MED6: variants seen among roughly 807,000 people sequenced by gnomAD.
MED6 encodes the protein mediator of RNA polymerase II transcription subunit 6.
Under a neutral mutation model 37.5 loss-of-function variants are expected in MED6, and 33 were observed. The ratio of observed to expected loss-of-function variants is 0.88; its 90% confidence interval spans 0.67 to 1.18. The LOEUF is 1.18. Among genes scored for constraint, MED6 ranks in the 50% most tolerant of loss-of-function variants. MED6 has a pLI of 0.00. For missense variants in MED6, 235 were observed against 290.6 expected (o/e 0.81, Z 1.39); for synonymous variants, 94 against 93.6 (o/e 1.00, Z -0.02).
In MED6 at chr14:70,584,005, T is replaced by C. The variant is rs1033055237; in HGVS notation, c.*808A>G. 9 of 463,556 alleles carry C rather than the reference T, an allele frequency of 1.9e-5. 1 individual carries two copies. Among genetic ancestry groups the C allele is most frequent in the African/African-American group, 1.2e-4 (6 of 50,318 alleles). The allele number at this position is 463,556 out of a possible 1,614,324, so 28.7% of individuals were successfully genotyped here. On this transcript the variant is annotated 3_prime_UTR_variant, in exon 8 of 8. Coordinates refer to ENST00000256379, the MANE Select transcript of MED6 (RefSeq NM_005466.4). ...AAAAAAGAAGTATCTACACACAGAA[T>C]AAGATTAAAATTCACAACACTGTTA... is the stretch of plus-strand genomic sequence containing the variant.
intron 6 of MED6, among the ~76,000 whole-genome samples, 155 bp from the exon 7 acceptor site, chr14:70,585,938 T>C (rs1884694725): frequency 6.6e-6 from 1 of 152,236 alleles, no homozygotes; most frequent in African/African-American, 2.4e-5. Flanking sequence ...AGCTACTATG[T>C]ATGTACTATA....
chr14:70,590,349 T>A (rs566155676), intron 6 of MED6, among the ~76,000 whole-genome samples: 1 of 152,352 alleles, frequency 6.6e-6, no homozygotes, highest in Admixed American at 6.5e-5. Context: ...ATGTTCCATC[T>A]TCAAGTGCAG....
In MED6 at chr14:70,591,295, T is replaced by G. The variant is rs1386902178; in HGVS notation, c.553A>C (p.Arg185=). Residue 185 remains arginine (R), a synonymous_variant, in exon 6 of 8, where the codon AGA becomes CGA. Coordinates refer to ENST00000256379, the MANE Select transcript of MED6 (RefSeq NM_005466.4). The stretch of plus-strand genomic sequence containing the variant: ...ACAAATTTGGGTGGAAATTTTTGTC[T>G]GAGGTCTAAAAGTAAAGCATCCACA... ...QRVDALLLDL[R]QKFPPKFVQL... 4 of 1,612,018 alleles carry G rather than the reference T, an allele frequency of 2.5e-6. No individual in the cohort carries two copies. Among genetic ancestry groups the G allele is most frequent in the Non-Finnish European group, 3.4e-6 (4 of 1,179,454 alleles).
In MED6 at chr14:70,584,155, T is replaced by C. The variant is rs777534037; in HGVS notation, c.*658A>G. On this transcript the variant is annotated 3_prime_UTR_variant, in exon 8 of 8. Transcript: ENST00000256379. ...ACTGAACAAAAAGAAATATGCTTAGTTACTACTTTAACATCCTTTATGTCT... is the reference window on the plus strand; with the variant it reads ...ACTGAACAAAAAGAAATATGCTTAGCTACTACTTTAACATCCTTTATGTCT... 5 of 754,368 alleles carry C rather than the reference T, an allele frequency of 6.6e-6. No individual in the cohort carries two copies. Among genetic ancestry groups the C allele is most frequent in the African/African-American group, 1.7e-5 (1 of 58,154 alleles). 46.7% of individuals were successfully genotyped at this position (754,368 alleles called of 1,614,324 possible). A position where few individuals can be genotyped will look rare whatever the true frequency, so the allele number is the denominator to read the frequency against.
intron 6 of MED6, among the ~76,000 whole-genome samples, chr14:70,587,045 G>A (rs1211722165): frequency 6.6e-6 from 1 of 152,194 alleles, no homozygotes; most frequent in Non-Finnish European, 1.5e-5. Flanking sequence ...ATTTTGGTAT[G>A]TGCTAGATAG....
intron 3 of MED6, among the ~76,000 whole-genome samples, chr14:70,593,871 T>C (rs1884960731): frequency 6.6e-6 from 1 of 152,222 alleles, no homozygotes; most frequent in South Asian, 2.1e-4. Context: ...ATGAGCTTGC[T>C]TTTGTGCCCC....
chr14:70,599,234 A>T (rs1382873351), intron 1 of MED6, among the ~76,000 whole-genome samples: 1 of 152,256 alleles, frequency 6.6e-6, no homozygotes, highest in African/African-American at 2.4e-5. Flanking sequence ...GAGAAAAATT[A>T]TATAAAGGTA....
intron 5 of MED6, chr14:70,591,848 A>T (rs1566675677): frequency 6.6e-6 from 1 of 152,400 alleles, no homozygotes; most frequent in East Asian, 1.9e-4. Context: ...CTAAAAAAAA[A>T]TAATAAAACA....
intron 7 of MED6, among the ~76,000 whole-genome samples, 195 bp downstream of exon 7, chr14:70,585,561 T>C (rs12050414): frequency 4.0e-5 from 6 of 151,572 alleles, no homozygotes; most frequent in Middle Eastern, 3.4e-3. Flanking sequence ...GAGACTTTTT[T>C]TTTTTTTTCA....
intron 7 of MED6, 108 bp downstream of exon 7, chr14:70,585,648 C>A: frequency 1.1e-6 from 1 of 948,138 alleles, no homozygotes; most frequent in East Asian, 3.0e-5. Context: ...AGCCCCAGCT[C>A]TAGAAGGACA....
chr14:70,591,038 T>C (rs960273526), intron 6 of MED6, among the ~76,000 whole-genome samples: 2 of 152,248 alleles, frequency 1.3e-5, no homozygotes, highest in African/African-American at 4.8e-5. Context: ...GCAGTCCTCA[T>C]AGTTTGTGAA....
chr14:70,593,825 C>G (rs1311304030), intron 3 of MED6, among the ~76,000 whole-genome samples: 1 of 152,180 alleles, frequency 6.6e-6, no homozygotes, highest in East Asian at 1.9e-4. Flanking sequence ...TGGAGCAAGA[C>G]AGACTGGGGG....
intron 2 of MED6, among the ~76,000 whole-genome samples, chr14:70,597,283 T>A (rs1017681350): frequency 7.2e-5 from 11 of 152,242 alleles, no homozygotes; most frequent in African/African-American, 2.4e-4. Flanking sequence ...TATCAACAGT[T>A]GTTTCAAATA....
chr14:70,596,177 C>G (rs139409865), intron 3 of MED6: 182 of 179,760 alleles, frequency 1.0e-3, no homozygotes, highest in African/African-American at 4.1e-3. Flanking sequence ...ATCTAAAAAT[C>G]TGGTGGGCAG....
chr14:70,587,242 C>T (rs1884736548), intron 6 of MED6, among the ~76,000 whole-genome samples: 2 of 152,172 alleles, frequency 1.3e-5, no homozygotes, highest in Non-Finnish European at 1.5e-5. Context: ...ATAGATTCTT[C>T]CAGACTCTGC....
chr14:70,585,639 G>T, intron 7 of MED6, 117 bp downstream of exon 7: 3 of 779,264 alleles, frequency 3.8e-6, no homozygotes, highest in Non-Finnish European at 3.8e-6. Context: ...ATGAGACCCA[G>T]CCCCAGCTCT....
Position 70,592,895 on chromosome 14 carries a change from C to G in MED6, c.451G>C (p.Asp151His), listed in dbSNP as rs757476179. The G allele has an allele frequency of 6.2e-7, 1 of 1,613,788 alleles. No homozygotes were observed. The highest frequency in any genetic ancestry group is 8.5e-7 in the Non-Finnish European group (1 of 1,179,826). ...PSKGYWWHFK[D>H]HEEQDKVRPK... Reference sequence around the variant, plus strand: ...TTCTACTTACCTTGCTCTTCATGATCTTTGAAGTGCCACCAATACCCTTTG... The same window carrying G: ...TTCTACTTACCTTGCTCTTCATGATGTTTGAAGTGCCACCAATACCCTTTG... Residue 151 changes from aspartate (D) to histidine (H), a missense_variant, in exon 5 of 8, where the codon GAT becomes CAT. Coordinates refer to ENST00000256379, the MANE Select transcript of MED6 (RefSeq NM_005466.4).
intron 3 of MED6, chr14:70,595,668 AC>A: frequency 1.0e-6 from 1 of 954,018 alleles, no homozygotes; most frequent in Non-Finnish European, 1.6e-6. Flanking sequence ...GGCTGAGATC[AC>A]CACCTACCGC....
chr14:70,600,589 G>A (rs916293235), intron 1 of MED6, 27 bp downstream of exon 1: 1 of 1,613,084 alleles, frequency 6.2e-7, no homozygotes, highest in East Asian at 2.2e-5. Context: ...AGACAATCAA[G>A]AGACAAAATA....
Sources: allele counts gnomAD v4.1 joint callset (sites outside exome capture counted in the v4.1 genomes callset), GRCh38; gene constraint gnomAD v4.1.1; transcripts MANE v1.5; gene names NCBI Gene and HGNC (gene_info 2026-07-23, HGNC 2026-07-21).